SOCS5: variants seen among roughly 807,000 people sequenced by gnomAD.
The protein encoded by SOCS5 is CIS-6.
A neutral mutation model predicts 42.8 loss-of-function variants in SOCS5; 32 were observed. The observed-to-expected ratio is 0.75, with a 90% CI of 0.56 to 1.01. The LOEUF (loss-of-function observed/expected upper bound fraction) is 1.01, where lower values mean the gene tolerates loss of function less well. Ranked by LOEUF, SOCS5 falls within the 50% of genes least tolerant of loss-of-function variation. The pLI is 0.00. For synonymous variants in SOCS5, 283 were observed against 229.6 expected, an observed-to-expected ratio of 1.23 and a Z score of -2.10; for missense variants, 627 against 653.0, an observed-to-expected ratio of 0.96 and a Z score of 0.43.
intron 1 of SOCS5, among the ~76,000 whole-genome samples, chr2:46,753,593 G>C (rs1354026704): frequency 6.6e-6 from 1 of 152,152 alleles, no homozygotes; most frequent in Non-Finnish European, 1.5e-5. Context: ...TTCAGGGTGA[G>C]TCAATACAGA....
intron 1 of SOCS5, among the ~76,000 whole-genome samples, chr2:46,733,239 C>T (rs921519888): frequency 1.3e-5 from 2 of 151,974 alleles, no homozygotes; most frequent in Non-Finnish European, 2.9e-5. Context: ...GGATTACAGG[C>T]GCATGCCACT....
chr2:46,744,823 C>T (rs551502264), intron 1 of SOCS5, among the ~76,000 whole-genome samples: 8 of 151,710 alleles, frequency 5.3e-5, no homozygotes, highest in South Asian at 2.1e-4. Context: ...CCACCGCGCC[C>T]GGCTGTAATC....
At chr2:46,710,580 ACT>A (rs1458346885) in intron 1 of SOCS5, among the ~76,000 whole-genome samples, 6 of 152,202 alleles carry the variant, frequency 3.9e-5, no homozygotes, top group Non-Finnish European at 8.8e-5. Context: ...GTGAAAAAAA[ACT>A]CTAAGCAAAC....
chr2:46,733,871 A>G (rs949199142), intron 1 of SOCS5, among the ~76,000 whole-genome samples: 10 of 152,220 alleles, frequency 6.6e-5, no homozygotes, highest in Non-Finnish European at 1.3e-4. Flanking sequence ...AATTGAAAGC[A>G]GGAATATCAG....
chr2:46,725,967 T>C (rs1326266304), intron 1 of SOCS5, among the ~76,000 whole-genome samples: 2 of 152,200 alleles, frequency 1.3e-5, no homozygotes, highest in African/African-American at 4.8e-5. Context: ...GGCAGTCAAA[T>C]TACTATTCCC....
chr2:46,706,696 C>G (rs908726463), intron 1 of SOCS5, among the ~76,000 whole-genome samples: 4 of 152,102 alleles, frequency 2.6e-5, no homozygotes, highest in African/African-American at 9.7e-5. Flanking sequence ...TGTTCTAGTG[C>G]TATAAAGTAG....
intron 1 of SOCS5, among the ~76,000 whole-genome samples, chr2:46,703,830 G>T (rs1672400694): frequency 6.6e-6 from 1 of 152,154 alleles, no homozygotes; most frequent in Non-Finnish European, 1.5e-5. Context: ...GAGTCAGCCA[G>T]CTATCCTACT....
intron 1 of SOCS5, among the ~76,000 whole-genome samples, chr2:46,727,831 T>C (rs1486525151): frequency 6.6e-6 from 1 of 152,206 alleles, no homozygotes; most frequent in African/African-American, 2.4e-5. Flanking sequence ...TACTTTCTGC[T>C]GCCGACCTCT....
chr2:46,712,723 T>A (rs1672655371), intron 1 of SOCS5, among the ~76,000 whole-genome samples: 1 of 152,238 alleles, frequency 6.6e-6, no homozygotes, highest in Non-Finnish European at 1.5e-5. Context: ...AGATGGTGAA[T>A]TACATTGATT....
At chr2:46,751,841 G>T (rs75902865) in intron 1 of SOCS5, among the ~76,000 whole-genome samples, 9,278 of 152,210 alleles carry the variant, frequency 0.061, 308 homozygotes, top group Middle Eastern at 0.13. Context: ...ACCACTGGTT[G>T]TTGTATAGCC....
At chr2:46,703,094 T>C (rs1672380545) in intron 1 of SOCS5, among the ~76,000 whole-genome samples, 1 of 152,258 alleles carries the variant, frequency 6.6e-6, no homozygotes, top group South Asian at 2.1e-4. Flanking sequence ...TCAATGTATC[T>C]CACATAATGT....
At chr2:46,700,993 G>T (rs1017559237) in intron 1 of SOCS5, among the ~76,000 whole-genome samples, 4 of 152,060 alleles carry the variant, frequency 2.6e-5, no homozygotes, top group Non-Finnish European at 4.4e-5. Flanking sequence ...AAACATTTCT[G>T]CAAAAAGGTG....
At chr2:46,733,600 A>G (rs1198444591) in intron 1 of SOCS5, among the ~76,000 whole-genome samples, 1 of 151,722 alleles carries the variant, frequency 6.6e-6, no homozygotes, top group African/African-American at 2.4e-5. Context: ...AAAAAAAGGA[A>G]TAACCATTGT....
intron 1 of SOCS5, among the ~76,000 whole-genome samples, chr2:46,757,808 G>A (rs1250996483): frequency 3.9e-5 from 6 of 152,170 alleles, no homozygotes; most frequent in African/African-American, 1.4e-4. Flanking sequence ...GGAGGTTGCA[G>A]TGAGCCAAGA....
intron 1 of SOCS5, among the ~76,000 whole-genome samples, chr2:46,715,039 T>A (rs1294763908): frequency 2.6e-5 from 4 of 152,122 alleles, no homozygotes; most frequent in Non-Finnish European, 5.9e-5. Context: ...TGTCATGCAT[T>A]TTGAGTTGAA....
chr2:46,715,494 T>G (rs190607261), intron 1 of SOCS5, among the ~76,000 whole-genome samples: 124 of 152,316 alleles, frequency 8.1e-4, no homozygotes, highest in African/African-American at 2.9e-3. Context: ...TCCCTTTGCT[T>G]AAAAAACTTC....
At chr2:46,749,166 G>C (rs1673570527) in intron 1 of SOCS5, among the ~76,000 whole-genome samples, 2 of 152,184 alleles carry the variant, frequency 1.3e-5, no homozygotes, top group South Asian at 4.1e-4. Context: ...AAGTTGGTTT[G>C]CCTAACGGAA....
In SOCS5 at chr2:46,759,557, A is replaced by G. The variant is rs139024335; in HGVS notation, c.1027A>G (p.Ile343Val). The G allele has an allele frequency of 2.6e-5, 42 of 1,613,870 alleles. No homozygotes were observed. The highest frequency in any genetic ancestry group is 8.3e-5 in the Admixed American group (5 of 60,002). The change falls in exon 2 of 2, where the codon ATA becomes GTA. Residue 343 changes from isoleucine (I) to valine (V), a missense_variant. Ile to Val is a conservative substitution (Grantham distance 29, BLOSUM62 3). Coordinates refer to ENST00000394861, the MANE Select transcript of SOCS5 (RefSeq NM_144949.3). ...GTCACGGAGGCAGAAGCAGCGTCAG[A>G]TATCTGGAGACAGCCATACCCATGT... Reference protein sequence around the residue: ...LQSRRQKQRQISGDSHTHVSR... With the variant: ...LQSRRQKQRQVSGDSHTHVSR...
chr2:46,705,882 A>G lies in SOCS5; in HGVS notation c.-13+6433A>G, dbSNP rs576410922. Among the ~76,000 whole-genome samples, 342 of 152,362 alleles carry G rather than the reference A, an allele frequency of 2.2e-3. 1 individual carries two copies. The highest frequency in any genetic ancestry group is 7.8e-3 in the African/African-American group (323 of 41,590). ...AAGCCAGCAAGGAGAAGCTACAGGA[A>G]TATCCTCTGATGAGTTTTCATGTGG... On this transcript the variant is annotated intron_variant, in intron 1 of 1. Transcript: ENST00000394861.
Sources: gnomAD v4.1 joint callset for allele counts (sites outside exome capture counted in the v4.1 genomes callset) on GRCh38, gnomAD v4.1.1 for gene constraint, MANE v1.5 for transcripts, NCBI Gene and HGNC (gene_info 2026-07-23, HGNC 2026-07-21) for gene names.